The following KMT2E variants were observed in gnomAD, a reference collection of about 807,000 sequenced individuals.
KMT2E encodes lysine methyltransferase 2E (inactive).
In KMT2E, 30 loss-of-function variants were observed where a neutral mutation model predicts 184.6. The observed-to-expected ratio is 0.16, with a 90% CI of 0.12 to 0.22. The LOEUF (loss-of-function observed/expected upper bound fraction) is 0.22, where lower values mean the gene tolerates loss of function less well. KMT2E is among the 10% of genes least tolerant of loss of function. The pLI, the probability that KMT2E is intolerant of heterozygous loss-of-function variation, is 1.00. For missense variants in KMT2E, 2,023 were observed against 2,237.4 expected (o/e 0.90, Z 1.93); for synonymous variants, 815 against 776.5 (o/e 1.05, Z -0.82).
chr7:105,049,349 C>T (rs965840197), intron 3 of KMT2E, among the ~76,000 whole-genome samples: 6 of 151,746 alleles, frequency 4.0e-5, no homozygotes, highest in African/African-American at 1.5e-4. Context: ...TGAGCTGAGG[C>T]GGGATGATCG....
chr7:105,073,174 A>T (rs1248708108), intron 6 of KMT2E, among the ~76,000 whole-genome samples: 1 of 151,490 alleles, frequency 6.6e-6, no homozygotes, highest in East Asian at 1.9e-4. Context: ...TTTGGGAGGC[A>T]GGGGTGGGAG....
intron 7 of KMT2E, 47 bp from the exon 8 acceptor site, chr7:105,074,596 T>TGG (rs1182434446): frequency 1.5e-6 from 2 of 1,321,668 alleles, no homozygotes; most frequent in African/African-American, 3.0e-5. Context: ...ATTTCATTGT[T>TGG]TAAAATAGAA....
In KMT2E at chr7:105,107,377, TCAAC is replaced by T; in HGVS notation, c.2923_2926del (p.Thr975CysfsTer2). The stretch of plus-strand genomic sequence containing the variant: ...TTGTAAACAGGGATATGACAGATCT[TCAAC>T]CATGTTAACATTGGGGCCTTTTAGA... On this transcript the variant is annotated frameshift_variant, in exon 22 of 27. Transcript: ENST00000311117. LOFTEE classifies it high-confidence loss of function. 6.3e-7 allele frequency: 1 copy of T among 1,590,070 alleles called. No individual in the cohort carries two copies.
At chr7:105,107,073 G>C in intron 20 of KMT2E, 93 bp from the exon 21 acceptor site, 1 of 750,270 alleles carries the variant, frequency 1.3e-6, no homozygotes, top group Non-Finnish European at 2.1e-6. Context: ...ACTAAAGTCT[G>C]TATATTTTTC....
chr7:105,059,688 T>C (rs1228059132), intron 3 of KMT2E, among the ~76,000 whole-genome samples: 1 of 152,026 alleles, frequency 6.6e-6, no homozygotes, highest in Non-Finnish European at 1.5e-5. Flanking sequence ...CATTTAAAGA[T>C]GGAAAAAGTA....
rs1240604091 is a variant in KMT2E at position 105,114,598 on chromosome 7, G to A, written c.*1265G>A. On this transcript the variant is annotated 3_prime_UTR_variant, in exon 27 of 27. Coordinates refer to ENST00000311117, the MANE Select transcript of KMT2E (RefSeq NM_182931.3). Reference sequence around the variant, plus strand: ...TCTTCTACCTCTGAGGATTCAGTAAGTACATCCAATAATAATGATACTGTT... The same window carrying A: ...TCTTCTACCTCTGAGGATTCAGTAAATACATCCAATAATAATGATACTGTT... Among the ~76,000 whole-genome samples the A allele has an allele frequency of 6.6e-6, 1 of 152,130 alleles. No individual in the cohort carries two copies. The highest frequency in any genetic ancestry group is 2.4e-5 in the African/African-American group (1 of 41,430).
intron 15 of KMT2E, among the ~76,000 whole-genome samples, chr7:105,098,698 C>A (rs146108862): frequency 1.4e-3 from 220 of 152,078 alleles, no homozygotes; most frequent in African/African-American, 5.0e-3. Flanking sequence ...ACCACTGCGC[C>A]CAGCCTAAAT....
chr7:105,109,824 G>C (rs1799107906), intron 23 of KMT2E, among the ~76,000 whole-genome samples: 1 of 151,326 alleles, frequency 6.6e-6, no homozygotes, highest in African/African-American at 2.4e-5. Context: ...TCTGGGAGCA[G>C]TCAGCAAAAT....
intron 6 of KMT2E, among the ~76,000 whole-genome samples, chr7:105,070,784 G>A (rs994055887): frequency 6.6e-6 from 1 of 151,636 alleles, no homozygotes; most frequent in Admixed American, 6.6e-5. Flanking sequence ...CTGCACTCCA[G>A]CCTGGGCAAC....
Position 105,077,074 on chromosome 7 carries a change from G to A in KMT2E, c.880G>A (p.Glu294Lys). 1 of 1,613,884 alleles carries A rather than the reference G, an allele frequency of 6.2e-7. No homozygotes were observed. Residue 294 changes from glutamate (E) to lysine (K), a missense_variant, in exon 10 of 27, where the codon GAG (glutamate) becomes AAG (lysine). By Grantham distance (56) the Glu-to-Lys change is moderately conservative (BLOSUM62 1). Transcript: ENST00000311117. ...YEEANNNQYS[E>K]GVQREAQRIA... is the part of the protein sequence containing the mutation. ...AGAAGCAAATAACAACCAGTACAGT[G>A]AGGGTGTTCAGAGGGAGGCACAAAG...
intron 13 of KMT2E, among the ~76,000 whole-genome samples, chr7:105,086,140 T>G (rs540754134): frequency 6.6e-6 from 1 of 152,340 alleles, no homozygotes; most frequent in Admixed American, 6.5e-5. Flanking sequence ...TACCTATACT[T>G]CATTTATTTT....
chr7:105,019,609 G>A (rs1414805501), intron 1 of KMT2E, among the ~76,000 whole-genome samples: 2 of 152,036 alleles, frequency 1.3e-5, no homozygotes, highest in Non-Finnish European at 2.9e-5. Flanking sequence ...AAAATATTTT[G>A]TATTTCAAAA....
Position 105,062,239 on chromosome 7 carries a change from C to T in KMT2E, c.147C>T (p.Ser49=), listed in dbSNP as rs1264157083. 4 of 1,613,494 alleles carry T rather than the reference C, an allele frequency of 2.5e-6. No individual in the cohort carries two copies. Among genetic ancestry groups the T allele is most frequent in the Admixed American group, 1.7e-5 (1 of 60,006 alleles). The change falls in exon 4 of 27, where the codon AGC becomes AGT. Residue 49 remains serine (S), a synonymous_variant. Coordinates refer to ENST00000311117, the MANE Select transcript of KMT2E (RefSeq NM_182931.3). ...ATCCCCACCAGTTATATACCAGCAG[C>T]TCACATCATTCACACAGTTACATTG... ...NSYPHQLYTS[S]SHHSHSYIGL...
At chr7:105,037,074 A>C (rs1047731067) in intron 1 of KMT2E, among the ~76,000 whole-genome samples, 19 of 152,152 alleles carry the variant, frequency 1.2e-4, no homozygotes, top group Admixed American at 1.2e-3. Flanking sequence ...TCTCCTCAAA[A>C]TTTCTTTCAA....
intron 12 of KMT2E, among the ~76,000 whole-genome samples, chr7:105,079,743 T>TC (rs1176442318): frequency 6.6e-6 from 1 of 151,470 alleles, no homozygotes; most frequent in Non-Finnish European, 1.5e-5. Flanking sequence ...CAGGCTGGTC[T>TC]CCAACTCCTG....
At chr7:105,017,628 C>G (rs1045215793) in intron 1 of KMT2E, among the ~76,000 whole-genome samples, 2 of 151,718 alleles carry the variant, frequency 1.3e-5, no homozygotes, top group Non-Finnish European at 2.9e-5. Flanking sequence ...AATTTTTGTT[C>G]CCAGAGAGTT....
intron 6 of KMT2E, among the ~76,000 whole-genome samples, chr7:105,072,266 C>T (rs1249444344): frequency 1.3e-5 from 2 of 152,056 alleles, no homozygotes; most frequent in African/African-American, 2.4e-5. Context: ...TGCAGTGAGC[C>T]AAGGTCGCAC....
chr7:105,085,097 C>A (rs775046367), intron 13 of KMT2E, among the ~76,000 whole-genome samples: 1 of 150,524 alleles, frequency 6.6e-6, no homozygotes, highest in Non-Finnish European at 1.5e-5. Flanking sequence ...CAAATTGTTG[C>A]AATTGTTGCA....
chr7:105,096,063 T>C (rs928880551), intron 15 of KMT2E, among the ~76,000 whole-genome samples: 7 of 152,042 alleles, frequency 4.6e-5, no homozygotes, highest in African/African-American at 1.7e-4. Context: ...GAGACCAGAC[T>C]GGGTGACATG....
Sources: allele counts gnomAD v4.1 joint callset (sites outside exome capture counted in the v4.1 genomes callset), GRCh38; gene constraint gnomAD v4.1.1; transcripts MANE v1.5; gene names NCBI Gene and HGNC (gene_info 2026-07-23, HGNC 2026-07-21).